Variants in STX8 observed in about 807,000 individuals in gnomAD.
The protein encoded by STX8 is syntaxin 8.
STX8 carries 23 observed loss-of-function variants against 37.5 expected under a neutral mutation model. That is an observed-to-expected ratio of 0.61 (90% CI 0.44 to 0.87). The LOEUF is 0.87. STX8 is among the 40% of genes least tolerant of loss of function. The probability of loss-of-function intolerance (pLI) is 0.00; values close to 1 mark genes in which losing one functional copy is unlikely to be tolerated. For missense variants in STX8, 313 were observed against 284.7 expected, an observed-to-expected ratio of 1.10 and a Z score of -0.71; for synonymous variants, 115 against 99.1, an observed-to-expected ratio of 1.16 and a Z score of -0.95.
intron 6 of STX8, among the ~76,000 whole-genome samples, chr17:9,442,455 T>C (rs1052500221): frequency 1.3e-5 from 2 of 152,214 alleles, no homozygotes; most frequent in Non-Finnish European, 2.9e-5. Context: ...TGGAGTGCAG[T>C]GTTGCAGTCT....
chr17:9,556,764 T>TATATATACATAC (rs1906983667), intron 3 of STX8: 3 of 11,084 alleles, frequency 2.7e-4, no homozygotes, highest in African/African-American at 8.6e-4. Context: ...TATATATATA[T>TATATATACATAC]ATATATATAT....
chr17:9,454,682 A>G (rs1269449804), intron 6 of STX8, among the ~76,000 whole-genome samples: 2 of 148,552 alleles, frequency 1.3e-5, no homozygotes, highest in African/African-American at 5.0e-5. Context: ...TGTCTCAAAA[A>G]AAAAAAAACA....
In STX8 at chr17:9,374,086, A is replaced by ATTT. The variant is rs571434433; in HGVS notation, c.643+4463_643+4465dup. On this transcript the variant is annotated intron_variant, in intron 7 of 7. Coordinates refer to ENST00000306357, the MANE Select transcript of STX8 (RefSeq NM_004853.3). ...TGCTATATATATTTTACCACAATTA[A>ATTT]TTTTTTTTTTTTTTTGATGGAGTCT... Among the ~76,000 whole-genome samples the ATTT allele has an allele frequency of 8.4e-3, 1,212 of 144,344 alleles. 15 individuals carry two copies. Among genetic ancestry groups the ATTT allele is most frequent in the African/African-American group, 0.029 (1,131 of 39,042 alleles). The allele number at this position is 144,344 out of a possible 152,430, so 94.7% of individuals were successfully genotyped here.
At chr17:9,404,742 T>C (rs1288001140) in intron 6 of STX8, among the ~76,000 whole-genome samples, 2 of 152,226 alleles carry the variant, frequency 1.3e-5, no homozygotes, top group African/African-American at 4.8e-5. Flanking sequence ...CGTGAGCCAC[T>C]GCGCCTGGCC....
chr17:9,499,280 C>T (rs1253047294), intron 5 of STX8, among the ~76,000 whole-genome samples: 1 of 152,340 alleles, frequency 6.6e-6, no homozygotes, highest in East Asian at 1.9e-4. Context: ...ATAGCAACTT[C>T]AGCACATTGT....
intron 6 of STX8, among the ~76,000 whole-genome samples, chr17:9,450,841 C>T (rs1347500562): frequency 6.6e-6 from 1 of 151,860 alleles, no homozygotes; most frequent in Non-Finnish European, 1.5e-5. Context: ...GACATACCTG[C>T]TCTTAACCAG....
intron 7 of STX8, among the ~76,000 whole-genome samples, chr17:9,356,960 G>GTTTTT (rs140965935): frequency 3.2e-5 from 2 of 61,752 alleles, no homozygotes; most frequent in African/African-American, 6.2e-5. Flanking sequence ...CCTTTTAACA[G>GTTTTT]TTTTTTTTTT....
intron 7 of STX8, among the ~76,000 whole-genome samples, chr17:9,367,324 C>T (rs1469070203): frequency 3.3e-5 from 5 of 152,100 alleles, no homozygotes; most frequent in African/African-American, 1.2e-4. Context: ...CCTCAGACTC[C>T]CTTAAGAGAG....
intron 7 of STX8, among the ~76,000 whole-genome samples, chr17:9,332,017 T>A (rs1397634365): frequency 6.6e-6 from 1 of 152,180 alleles, no homozygotes; most frequent in Non-Finnish European, 1.5e-5. Context: ...TGATTCCGAG[T>A]CTGGGATCTT....
intron 2 of STX8, among the ~76,000 whole-genome samples, chr17:9,558,560 G>T (rs1357012420): frequency 6.6e-6 from 1 of 152,250 alleles, no homozygotes; most frequent in Non-Finnish European, 1.5e-5. Context: ...GAGCGGCCGG[G>T]CGCGGTGGCT....
chr17:9,408,732 G>A (rs990172047), intron 6 of STX8, among the ~76,000 whole-genome samples: 1 of 152,142 alleles, frequency 6.6e-6, no homozygotes, highest in African/African-American at 2.4e-5. Context: ...ATGGAACAGA[G>A]AAAATGGGGT....
At chr17:9,410,480 G>A (rs573597371) in intron 6 of STX8, among the ~76,000 whole-genome samples, 7 of 152,208 alleles carry the variant, frequency 4.6e-5, no homozygotes, top group East Asian at 1.9e-4. Context: ...GTCATAAAAC[G>A]CGGTAACGTG....
At chr17:9,282,268 G>A (rs1044208661) in intron 7 of STX8, among the ~76,000 whole-genome samples, 82 of 152,254 alleles carry the variant, frequency 5.4e-4, no homozygotes, top group African/African-American at 1.9e-3. Flanking sequence ...GAGGAGCTGG[G>A]ACTACAGGCA....
chr17:9,573,847 A>C (rs1907788397), intron 1 of STX8, among the ~76,000 whole-genome samples: 1 of 152,202 alleles, frequency 6.6e-6, no homozygotes, highest in Admixed American at 6.5e-5. Context: ...AGGGAGCCCA[A>C]GGAAATAAGA....
chr17:9,526,363 G>A (rs77301271), intron 4 of STX8, among the ~76,000 whole-genome samples: 2,689 of 152,190 alleles, frequency 0.018, 90 homozygotes, highest in African/African-American at 0.061. Context: ...ACACATGGGA[G>A]CGTTGAGGCC....
chr17:9,418,108 C>T (rs754939826), intron 6 of STX8, among the ~76,000 whole-genome samples: 51 of 152,166 alleles, frequency 3.4e-4, no homozygotes, highest in Non-Finnish European at 6.8e-4. Flanking sequence ...GTGCTTGCAG[C>T]TGGTATCTGA....
chr17:9,505,640 C>G (rs145096371), intron 4 of STX8, among the ~76,000 whole-genome samples: 1 of 152,204 alleles, frequency 6.6e-6, no homozygotes, highest in Non-Finnish European at 1.5e-5. Context: ...CATATAATTT[C>G]CCATTAAAGG....
At chr17:9,255,491 C>A (rs1906756435) in intron 7 of STX8, among the ~76,000 whole-genome samples, 1 of 151,694 alleles carries the variant, frequency 6.6e-6, no homozygotes, top group Admixed American at 6.6e-5. Context: ...TGTGCCACTG[C>A]ACTCCAGCCT....
chr17:9,527,836 T>C (rs560041798), intron 4 of STX8, among the ~76,000 whole-genome samples: 9 of 152,230 alleles, frequency 5.9e-5, no homozygotes, highest in Non-Finnish European at 1.0e-4. Context: ...ATTACATCTT[T>C]AACACTCATA....
Sources: gnomAD v4.1 joint callset for allele counts (sites outside exome capture counted in the v4.1 genomes callset) on GRCh38, gnomAD v4.1.1 for gene constraint, MANE v1.5 for transcripts, NCBI Gene and HGNC (gene_info 2026-07-23, HGNC 2026-07-21) for gene names.